DDHD1: variants seen among roughly 807,000 people sequenced by gnomAD.
DDHD1 encodes DDHD domain containing 1, also known as phospholipase DDHD1.
DDHD1 carries 49 observed loss-of-function variants against 96.4 expected under a neutral mutation model. That is an observed-to-expected ratio of 0.51 (90% CI 0.40 to 0.64). The LOEUF is 0.64. Among genes scored for constraint, DDHD1 ranks in the 30% least tolerant of loss-of-function variants. DDHD1 has a pLI of 0.00. For synonymous variants in DDHD1, 442 were observed against 446.5 expected (o/e 0.99, Z 0.13); for missense variants, 1,106 against 1,161.2 (o/e 0.95, Z 0.69).
At chr14:53,148,931 T>C (rs1595277865) in intron 1 of DDHD1, among the ~76,000 whole-genome samples, 1 of 152,212 alleles carries the variant, frequency 6.6e-6, no homozygotes, top group African/African-American at 2.4e-5. Flanking sequence ...AAAACAAGTC[T>C]ATGAAGTGAG....
chr14:53,125,245 GA>G (rs1889337025), intron 1 of DDHD1, among the ~76,000 whole-genome samples: 1 of 152,054 alleles, frequency 6.6e-6, no homozygotes, highest in African/African-American at 2.4e-5. Flanking sequence ...TCTCAATTTG[GA>G]GAAGAGACTT....
intron 2 of DDHD1, among the ~76,000 whole-genome samples, chr14:53,094,688 T>C (rs1886725586): frequency 6.7e-6 from 1 of 150,350 alleles, no homozygotes; most frequent in Non-Finnish European, 1.5e-5. Flanking sequence ...AAAAGAAAAC[T>C]AAAAAATTAG....
At chr14:53,049,887 A>G (rs1882385874) in intron 12 of DDHD1, among the ~76,000 whole-genome samples, 1 of 152,194 alleles carries the variant, frequency 6.6e-6, no homozygotes, top group South Asian at 2.1e-4. Flanking sequence ...ATACATAGGC[A>G]TATTTCTTTC....
rs1477832013 is a variant in DDHD1, at chr14:53,062,964, T to G, written c.1745A>C (p.Glu582Ala). 6.2e-7 allele frequency: 1 copy of G among 1,613,956 alleles called. No homozygotes were observed. The highest frequency in any genetic ancestry group is 8.5e-7 in the Non-Finnish European group (1 of 1,179,978). Residue 582 changes from glutamate (E) to alanine (A), a missense_variant, in exon 7 of 13, where the codon GAA (glutamate) becomes GCA (alanine). By Grantham distance (107) the Glu-to-Ala change is moderately radical. Transcript: ENST00000673822. ...MSYEERHLLD[E>A]LYITKRRLKE... Reference sequence around the variant, plus strand: ...TTACCGTCGTTTAGTTATATAGAGTTCATCAAGAAGATGTCGTTCTTCATA... The same window carrying G: ...TTACCGTCGTTTAGTTATATAGAGTGCATCAAGAAGATGTCGTTCTTCATA...
In DDHD1 at chr14:53,039,177, C is replaced by T. The variant is rs1314709572; in HGVS notation, c.*7591G>A. The T allele has an allele frequency of 1.3e-5, 2 of 152,214 alleles. No homozygotes were observed. The highest frequency in any genetic ancestry group is 4.8e-5 in the African/African-American group (2 of 41,466). 9.4% of individuals were successfully genotyped at this position (152,214 alleles called of 1,614,324 possible). Reference sequence around the variant, plus strand: ...TTCAGTTCTCCAGGAACTCTTGGCTCATTTCTTGTGTATGCTTCCTTTTCA... The same window carrying T: ...TTCAGTTCTCCAGGAACTCTTGGCTTATTTCTTGTGTATGCTTCCTTTTCA... On this transcript the variant is annotated 3_prime_UTR_variant, in exon 13 of 13. Coordinates refer to ENST00000673822, the MANE Select transcript of DDHD1 (RefSeq NM_001160148.2).
intron 4 of DDHD1, 125 bp downstream of exon 4, chr14:53,091,660 G>C: frequency 1.0e-6 from 1 of 968,268 alleles, no homozygotes; most frequent in South Asian, 2.2e-5. Flanking sequence ...TGACTTAAGA[G>C]GTATTAGAAT....
chr14:53,139,210 C>T (rs929121043), intron 1 of DDHD1, among the ~76,000 whole-genome samples: 1 of 152,066 alleles, frequency 6.6e-6, no homozygotes, highest in African/African-American at 2.4e-5. Flanking sequence ...GAAGGCTCCA[C>T]TTGTGAGACC....
rs900245699 is a variant in DDHD1 at position 53,044,584 on chromosome 14, C to T, written c.*2184G>A. 1 of 152,108 alleles carries T rather than the reference C, an allele frequency of 6.6e-6. No individual in the cohort carries two copies. The highest frequency in any genetic ancestry group is 2.4e-5 in the African/African-American group (1 of 41,412). The allele number at this position is 152,108 out of a possible 1,614,324, so 9.4% of individuals were successfully genotyped here. On this transcript the variant is annotated 3_prime_UTR_variant, in exon 13 of 13. Transcript: ENST00000673822. ...TTTCCTGAGAACTAAATTAGACCTA[C>T]AAAATAAACAGGCTATGAAAATGAC...
chr14:53,100,254 A>T (rs1887198446), intron 2 of DDHD1, among the ~76,000 whole-genome samples: 2 of 151,916 alleles, frequency 1.3e-5, no homozygotes, highest in African/African-American at 4.8e-5. Context: ...AGCAGGAGGA[A>T]CACTTGAGCC....
At position 53,086,749 on chromosome 14, in the gene DDHD1, G is replaced by C. The variant is rs577748602; in HGVS notation, c.1289+5036C>G. On this transcript the variant is annotated intron_variant, in intron 4 of 12. Transcript: ENST00000673822. ...TGGGAAGAAACTGCAGCAATTAATG[G>C]GCAAAATAACCAGCTAACATCATAA... Among the ~76,000 whole-genome samples, 30 of 152,010 alleles carry C rather than the reference G, an allele frequency of 2.0e-4. 1 individual carries two copies. The South Asian group carries it at 6.2e-3, about 32-fold the overall frequency.
intron 4 of DDHD1, among the ~76,000 whole-genome samples, chr14:53,082,535 G>A (rs998952510): frequency 2.7e-5 from 4 of 150,502 alleles, no homozygotes; most frequent in African/African-American, 7.4e-5. Flanking sequence ...GAGGTGGGTG[G>A]ATCACCTGAG....
chr14:53,101,662 A>G (rs1887309687), intron 2 of DDHD1, among the ~76,000 whole-genome samples: 1 of 152,064 alleles, frequency 6.6e-6, no homozygotes. Context: ...ACTCACACAT[A>G]CACATACGCA....
intron 8 of DDHD1, 128 bp from the exon 9 acceptor site, chr14:53,058,754 AAG>A (rs1883285701): frequency 2.4e-6 from 2 of 824,826 alleles, no homozygotes; most frequent in East Asian, 2.8e-5. Context: ...CGTTTTTAAT[AAG>A]AGTTATCCAG....
At chr14:53,067,459 C>CTT (rs774228803) in intron 6 of DDHD1, among the ~76,000 whole-genome samples, 21 of 134,716 alleles carry the variant, frequency 1.6e-4, no homozygotes, top group African/African-American at 2.7e-4. Flanking sequence ...TGTCTAGCCT[C>CTT]TTTTTTTTTT....
chr14:53,093,371 A>G lies in DDHD1; in HGVS notation c.1086T>C (p.Asp362=). ...TTCTTGCAATTTTAGATGTTGTTGC[A>G]TCACTATAAAGATATACTTCATCCA... The part of the protein sequence containing the change: ...HSVDEVYLYS[D]ATTSKIARTV... The change falls in exon 3 of 13, where the codon GAT becomes GAC. Residue 362 remains aspartate (D), a synonymous_variant. Transcript: ENST00000673822. The G allele has an allele frequency of 6.2e-7, 1 of 1,612,754 alleles. No individual in the cohort carries two copies. The highest frequency in any genetic ancestry group is 8.5e-7 in the Non-Finnish European group (1 of 1,179,608).
chr14:53,080,771 A>G (rs1185429386), intron 4 of DDHD1, among the ~76,000 whole-genome samples: 3 of 136,670 alleles, frequency 2.2e-5, no homozygotes, highest in African/African-American at 8.2e-5. Context: ...CCCCAGCTGA[A>G]GTGCAGTGGC....
chr14:53,112,581 T>G (rs1436660516), intron 1 of DDHD1, among the ~76,000 whole-genome samples: 1 of 152,230 alleles, frequency 6.6e-6, no homozygotes, highest in Non-Finnish European at 1.5e-5. Context: ...CCTATGATAT[T>G]CAACACCTAT....
At chr14:53,050,528 G>A (rs1279817775) in intron 12 of DDHD1, among the ~76,000 whole-genome samples, 2 of 151,912 alleles carry the variant, frequency 1.3e-5, no homozygotes, top group Admixed American at 1.3e-4. Flanking sequence ...CCTATGTTTT[G>A]CGGTTCGTCA....
At chr14:53,097,340 ATATC>A (rs1886964569) in intron 2 of DDHD1, among the ~76,000 whole-genome samples, 2 of 152,036 alleles carry the variant, frequency 1.3e-5, no homozygotes, top group Non-Finnish European at 2.9e-5. Flanking sequence ...CACAATAACT[ATATC>A]TATATGTAAT....
Sources: gnomAD v4.1 joint callset for allele counts (sites outside exome capture counted in the v4.1 genomes callset) on GRCh38, gnomAD v4.1.1 for gene constraint, MANE v1.5 for transcripts, NCBI Gene and HGNC (gene_info 2026-07-23, HGNC 2026-07-21) for gene names.